TTBK2: variants seen among roughly 807,000 people sequenced by gnomAD.
TTBK2 encodes tau-tubulin kinase 2.
In TTBK2, 28 loss-of-function variants were observed where a neutral mutation model predicts 110.8. That is an observed-to-expected ratio of 0.25 (90% CI 0.19 to 0.35). The LOEUF (loss-of-function observed/expected upper bound fraction) is 0.35. TTBK2 is among the 10% of genes least tolerant of loss of function. The pLI is 1.00. For missense variants in TTBK2, 1,369 were observed against 1,500.3 expected (o/e 0.91, Z 1.45); for synonymous variants, 532 against 527.3 (o/e 1.01, Z -0.12).
chr15:42,809,526 T>C (rs1350937148), intron 9 of TTBK2, among the ~76,000 whole-genome samples: 3 of 152,230 alleles, frequency 2.0e-5, no homozygotes, highest in Non-Finnish European at 4.4e-5. Flanking sequence ...TTTCAGCTCC[T>C]CTTGAATCTA....
chr15:42,917,930 AT>A (rs778942867), intron 1 of TTBK2, among the ~76,000 whole-genome samples: 41 of 151,188 alleles, frequency 2.7e-4, no homozygotes, highest in Non-Finnish European at 3.8e-4. Flanking sequence ...TTCCTATAGG[AT>A]TTTTTTTTAA....
intron 13 of TTBK2, 26 bp from the exon 14 acceptor site, chr15:42,753,273 A>T: frequency 6.2e-7 from 1 of 1,602,132 alleles, no homozygotes; most frequent in Non-Finnish European, 8.5e-7. Context: ...AAAAAATTAA[A>T]ATGCAATTAT....
At chr15:42,919,707 G>T in intron 1 of TTBK2, 1 of 674,862 alleles carries the variant, frequency 1.5e-6, no homozygotes, top group Non-Finnish European at 1.8e-6. Context: ...CAGGATTGCT[G>T]CTACCCATCA....
intron 4 of TTBK2, among the ~76,000 whole-genome samples, chr15:42,837,682 G>T (rs1470399601): frequency 7.5e-6 from 1 of 132,606 alleles, no homozygotes; most frequent in Non-Finnish European, 1.6e-5. Flanking sequence ...AAAAAAAAAA[G>T]GTTCAGGGAT....
intron 3 of TTBK2, among the ~76,000 whole-genome samples, chr15:42,842,347 G>C (rs1451934693): frequency 6.6e-6 from 1 of 152,152 alleles, no homozygotes; most frequent in African/African-American, 2.4e-5. Flanking sequence ...ACATTGACAA[G>C]TACATAGAAA....
At chr15:42,751,798 A>G (rs2061869120) in intron 14 of TTBK2, among the ~76,000 whole-genome samples, 176 bp downstream of exon 14, 1 of 152,244 alleles carries the variant, frequency 6.6e-6, no homozygotes, top group Admixed American at 6.5e-5. Flanking sequence ...TTTTACCGCA[A>G]TAAATTGGAA....
chr15:42,752,843 C>G lies in TTBK2; in HGVS notation c.2403G>C (p.Glu801Asp). The G allele has an allele frequency of 6.2e-6, 10 of 1,614,196 alleles. No individual in the cohort carries two copies. The highest frequency in any genetic ancestry group is 7.6e-6 in the Non-Finnish European group (9 of 1,180,046). Residue 801 changes from glutamate (E) to aspartate (D), a missense_variant, in exon 14 of 15, where the codon GAG (glutamate) becomes GAC (aspartate). Glu to Asp is a conservative substitution (Grantham distance 45). Around this residue, in one of 4 missense-constraint regions of TTBK2, gnomAD observed 1,097 missense variants for 1,114.7 expected, o/e 0.98. Transcript: ENST00000267890. ...CCAAATCTCCTGGGAGAGAGGAGAT[C>G]TCAATACAATGCTGCCCTCTACTTA... ...EKLSRGQHCIEISSLPGDLVI... is the reference protein window; with the variant it reads ...EKLSRGQHCIDISSLPGDLVI...
chr15:42,769,664 G>A (rs527360027), intron 13 of TTBK2, among the ~76,000 whole-genome samples: 3 of 152,328 alleles, frequency 2.0e-5, no homozygotes, highest in Non-Finnish European at 2.9e-5. Flanking sequence ...GTTGGTGGGA[G>A]TGTAAACTAG....
intron 10 of TTBK2, among the ~76,000 whole-genome samples, chr15:42,789,148 C>A (rs538556663): frequency 5.1e-4 from 77 of 152,274 alleles, no homozygotes; most frequent in African/African-American, 1.8e-3. Flanking sequence ...GATCTCCACA[C>A]TTGTTCATCC....
In TTBK2 at chr15:42,851,700, GTA is replaced by G. The variant is rs555205351; in HGVS notation, c.218-11269_218-11268del. On this transcript the variant is annotated intron_variant, in intron 3 of 14. Transcript: ENST00000267890. ...TTTCTATATGTGTGCGTATATATGT[GTA>G]TATATATATCTATACATAGATATAT... Among the ~76,000 whole-genome samples, 10 of 151,750 alleles carry G rather than the reference GTA, an allele frequency of 6.6e-5. No homozygotes were observed. In the East Asian group the frequency reaches 1.7e-3, roughly 26 times the overall value.
At chr15:42,849,366 C>T (rs1165360794) in intron 3 of TTBK2, among the ~76,000 whole-genome samples, 4 of 152,072 alleles carry the variant, frequency 2.6e-5, no homozygotes, top group Non-Finnish European at 5.9e-5. Context: ...TGTCTATCTT[C>T]CTGCTCATTC....
At chr15:42,825,960 C>T (rs567230674) in intron 6 of TTBK2, among the ~76,000 whole-genome samples, 13 of 152,082 alleles carry the variant, frequency 8.5e-5, no homozygotes, top group African/African-American at 3.1e-4. Flanking sequence ...AGATGGAGGC[C>T]AGTGATGTTT....
intron 1 of TTBK2, among the ~76,000 whole-genome samples, chr15:42,897,588 A>T (rs1475253721): frequency 1.3e-5 from 2 of 152,172 alleles, no homozygotes; most frequent in Non-Finnish European, 2.9e-5. Flanking sequence ...GGCTAAAAGG[A>T]AAGGATGCCA....
chr15:42,819,673 CATG>C (rs1892205643), intron 6 of TTBK2, among the ~76,000 whole-genome samples: 1 of 152,154 alleles, frequency 6.6e-6, no homozygotes, highest in Non-Finnish European at 1.5e-5. Flanking sequence ...CCTAAGACAT[CATG>C]ATTAACAGGA....
At chr15:42,833,772 G>A (rs2140996772) in intron 4 of TTBK2, among the ~76,000 whole-genome samples, 1 of 152,050 alleles carries the variant, frequency 6.6e-6, no homozygotes, top group South Asian at 2.1e-4. Context: ...CACTTTAAGA[G>A]GCCAAGGCAG....
intron 8 of TTBK2, 149 bp from the exon 9 acceptor site, chr15:42,810,888 C>T (rs937217478): frequency 3.3e-5 from 29 of 880,098 alleles, no homozygotes; most frequent in Non-Finnish European, 4.4e-5. Flanking sequence ...TTACTAACAG[C>T]TTAATGTACA....
intron 3 of TTBK2, among the ~76,000 whole-genome samples, chr15:42,871,884 C>T (rs796268682): frequency 1.3e-5 from 2 of 152,094 alleles, no homozygotes; most frequent in African/African-American, 4.8e-5. Flanking sequence ...AACTTGGATA[C>T]GCTTGGGGCA....
chr15:42,836,845 A>G (rs1171640108), intron 4 of TTBK2, among the ~76,000 whole-genome samples: 1 of 152,202 alleles, frequency 6.6e-6, no homozygotes, highest in Non-Finnish European at 1.5e-5. Flanking sequence ...CCAAGCTTTA[A>G]TACCCATCAA....
chr15:42,824,108 C>T (rs892512391), intron 6 of TTBK2, among the ~76,000 whole-genome samples: 1 of 152,144 alleles, frequency 6.6e-6, no homozygotes, highest in Non-Finnish European at 1.5e-5. Context: ...AGAGTGAGAA[C>T]TCACGACCCC....
Sources: gnomAD v4.1 joint callset for allele counts (sites outside exome capture counted in the v4.1 genomes callset) on GRCh38, gnomAD v4.1.1 for gene constraint, gnomAD v4.1.1 regional missense constraint, MANE v1.5 for transcripts, NCBI Gene and HGNC (gene_info 2026-07-23, HGNC 2026-07-21) for gene names.